Variants in ERC2 observed in about 807,000 individuals in gnomAD.
ERC2 encodes ERC protein 2.
Under a neutral mutation model 114.8 loss-of-function variants are expected in ERC2, and 42 were observed. The ratio of observed to expected loss-of-function variants is 0.37; its 90% CI spans 0.29 to 0.47. ERC2 has a LOEUF of 0.47. Ranked by LOEUF, ERC2 falls within the 20% of genes least tolerant of loss-of-function variation. The pLI is 0.99. For synonymous variants in ERC2, 454 were observed against 425.5 expected, an observed-to-expected ratio of 1.07 and a Z score of -0.82; for missense variants, 939 against 1,150.7, an observed-to-expected ratio of 0.82 and a Z score of 2.66.
rs553573272 is a variant in ERC2 at position 55,656,064 on chromosome 3, C to G, written c.*39+27730G>C. On this transcript the variant is annotated intron_variant, in intron 17 of 17. Transcript: ENST00000288221. The stretch of plus-strand genomic sequence containing the variant: ...CTGTCTGCAAAGCTGCTTGGCCCCT[C>G]TCATCCAGGGCACAGGTATATCCAT... 3.4e-4 allele frequency among the ~76,000 whole-genome samples: 52 copies of G among 152,264 alleles called. No individual in the cohort carries two copies. The South Asian group carries it at 0.011, about 32-fold the overall frequency.
intron 2 of ERC2, among the ~76,000 whole-genome samples, chr3:56,407,388 A>G (rs1463463479): frequency 6.6e-6 from 1 of 152,198 alleles, no homozygotes; most frequent in Non-Finnish European, 1.5e-5. Flanking sequence ...TCTTGAGAAC[A>G]TGCTCTTAAG....
intron 16 of ERC2, among the ~76,000 whole-genome samples, chr3:55,697,702 C>G (rs189333305): frequency 1.7e-4 from 26 of 152,160 alleles, no homozygotes; most frequent in Non-Finnish European, 2.8e-4. Context: ...TGACCTACTC[C>G]CCTGACTTGG....
chr3:56,241,053 CTTACAA>C (rs1206006418), intron 3 of ERC2, among the ~76,000 whole-genome samples: 1 of 152,134 alleles, frequency 6.6e-6, no homozygotes, highest in African/African-American at 2.4e-5. Flanking sequence ...TTAGCTCCCA[CTTACAA>C]TTAAGAGATC....
intron 13 of ERC2, among the ~76,000 whole-genome samples, chr3:55,890,841 G>A (rs190664422): frequency 7.9e-5 from 12 of 152,304 alleles, no homozygotes; most frequent in East Asian, 7.7e-4. Context: ...GCCCTGGACC[G>A]AGGACCATGT....
intron 2 of ERC2, among the ~76,000 whole-genome samples, chr3:56,312,278 A>C (rs932358850): frequency 6.6e-6 from 1 of 152,218 alleles, no homozygotes; most frequent in Non-Finnish European, 1.5e-5. Context: ...ACAATCCAAG[A>C]AGACCTTTAA....
chr3:55,953,459 C>A (rs896339515), intron 12 of ERC2, among the ~76,000 whole-genome samples: 2 of 152,210 alleles, frequency 1.3e-5, no homozygotes, highest in Non-Finnish European at 2.9e-5. Context: ...AGTGTCCACA[C>A]TCTCCTGAAG....
intron 6 of ERC2, among the ~76,000 whole-genome samples, chr3:56,085,141 G>A (rs1050204964): frequency 3.3e-5 from 5 of 152,148 alleles, no homozygotes; most frequent in Non-Finnish European, 7.3e-5. Context: ...AATGCGTCAG[G>A]GAAGGATGAT....
chr3:55,563,821 T>G (rs1422011929), intron 17 of ERC2, among the ~76,000 whole-genome samples: 2 of 152,164 alleles, frequency 1.3e-5, no homozygotes, highest in African/African-American at 4.8e-5. Flanking sequence ...CAGCTGTGCC[T>G]GCCAACAGAG....
chr3:56,459,222 A>T (rs1269511931), intron 1 of ERC2, among the ~76,000 whole-genome samples: 3 of 152,196 alleles, frequency 2.0e-5, no homozygotes, highest in Admixed American at 1.3e-4. Context: ...ACTAGGTTCA[A>T]TTTCTTATAG....
At chr3:56,237,794 A>C (rs1247004086) in intron 3 of ERC2, among the ~76,000 whole-genome samples, 1 of 152,140 alleles carries the variant, frequency 6.6e-6, no homozygotes, top group Non-Finnish European at 1.5e-5. Context: ...TGTGAGTTTT[A>C]AGGGTTCCTT....
At chr3:56,294,834 C>T (rs1400716118) in intron 3 of ERC2, among the ~76,000 whole-genome samples, 2 of 152,190 alleles carry the variant, frequency 1.3e-5, no homozygotes, top group African/African-American at 2.4e-5. Flanking sequence ...CCAGGCCCAA[C>T]CAAAACATCT....
intron 2 of ERC2, among the ~76,000 whole-genome samples, chr3:56,349,963 T>C (rs2058488435): frequency 6.6e-6 from 1 of 151,776 alleles, no homozygotes; most frequent in South Asian, 2.1e-4. Context: ...ACTATGCTTA[T>C]TACCTGGATG....
At chr3:55,685,532 C>T (rs150125061) in intron 16 of ERC2, among the ~76,000 whole-genome samples, 1 of 152,270 alleles carries the variant, frequency 6.6e-6, no homozygotes, top group Non-Finnish European at 1.5e-5. Flanking sequence ...AACTTTGATG[C>T]TCCTTTTCAT....
intron 7 of ERC2, among the ~76,000 whole-genome samples, chr3:56,080,491 T>C (rs971624982): frequency 6.6e-6 from 1 of 152,206 alleles, no homozygotes; most frequent in African/African-American, 2.4e-5. Context: ...AATACATTGC[T>C]AACTCTCAGG....
At chr3:56,164,738 A>G (rs2082236853) in intron 4 of ERC2, among the ~76,000 whole-genome samples, 1 of 152,068 alleles carries the variant, frequency 6.6e-6, no homozygotes, top group African/African-American at 2.4e-5. Flanking sequence ...CTAATTATTC[A>G]CATCCTCCCC....
intron 2 of ERC2, among the ~76,000 whole-genome samples, chr3:56,396,032 C>A (rs1201954599): frequency 6.6e-6 from 1 of 152,056 alleles, no homozygotes; most frequent in Admixed American, 6.6e-5. Context: ...TTTTGGCTTA[C>A]AATACTGATA....
intron 3 of ERC2, among the ~76,000 whole-genome samples, chr3:56,204,749 C>T (rs2048613624): frequency 6.6e-6 from 1 of 151,996 alleles, no homozygotes; most frequent in Non-Finnish European, 1.5e-5. Flanking sequence ...GATCCACCTG[C>T]CTCAGCCTCC....
At chr3:56,335,519 C>G (rs6777792) in intron 2 of ERC2, among the ~76,000 whole-genome samples, 50,151 of 152,060 alleles carry the variant, frequency 0.33, 8,356 homozygotes, top group Admixed American at 0.35. Flanking sequence ...ACTGTCTATA[C>G]ATTGGAACAT....
chr3:55,582,654 T>A (rs138328726), intron 17 of ERC2, among the ~76,000 whole-genome samples: 31 of 152,354 alleles, frequency 2.0e-4, no homozygotes, highest in African/African-American at 7.5e-4. Flanking sequence ...AACTTCATAC[T>A]GTTTTTCTTC....
Sources: allele counts gnomAD v4.1 joint callset (sites outside exome capture counted in the v4.1 genomes callset), GRCh38; gene constraint gnomAD v4.1.1; transcripts MANE v1.5; gene names NCBI Gene and HGNC (gene_info 2026-07-23, HGNC 2026-07-21).